The following ZNF804A variants were observed in gnomAD, a reference collection of about 807,000 sequenced individuals.
ZNF804A encodes zinc finger protein 804A.
Under a neutral mutation model 16.5 loss-of-function variants are expected in ZNF804A, and 2 were observed. The ratio of observed to expected loss-of-function variants is 0.12; its 90% CI spans 0.05 to 0.38. The LOEUF is 0.38. ZNF804A is among the 10% of genes least tolerant of loss of function. The pLI, the probability that ZNF804A is intolerant of heterozygous loss-of-function variation, is 0.99. For missense variants in ZNF804A, 1,473 were observed against 1,390.7 expected, an observed-to-expected ratio of 1.06 and a Z score of -0.94; for synonymous variants, 534 against 489.6, an observed-to-expected ratio of 1.09 and a Z score of -1.20.
intron 1 of ZNF804A, among the ~76,000 whole-genome samples, chr2:184,794,577 A>C (rs1694602279): frequency 6.6e-6 from 1 of 152,026 alleles, no homozygotes; most frequent in Non-Finnish European, 1.5e-5. Flanking sequence ...TAGAACAAAA[A>C]TACTTTTTTA....
intron 1 of ZNF804A, among the ~76,000 whole-genome samples, chr2:184,668,174 T>C (rs888361153): frequency 6.6e-5 from 10 of 151,846 alleles, no homozygotes; most frequent in Admixed American, 5.9e-4. Flanking sequence ...TAATAAATTA[T>C]AATTGTATAT....
Position 184,938,192 on chromosome 2 carries a change from C to G in ZNF804A, c.2796C>G (p.Thr932=), listed in dbSNP as rs1685826535. 6.2e-7 allele frequency: 1 copy of G among 1,613,928 alleles called. No individual in the cohort carries two copies. The highest frequency in any genetic ancestry group is 1.3e-5 in the African/African-American group (1 of 74,898). The change falls in exon 4 of 4, where the codon ACC becomes ACG. Residue 932 remains threonine, a synonymous_variant. Transcript: ENST00000302277. Reference sequence around the variant, plus strand: ...CAACAAAAGAAGCAATTGACAATACCCTGCTTGAACACAAAGAAAGAAGTG... The same window carrying G: ...CAACAAAAGAAGCAATTGACAATACGCTGCTTGAACACAAAGAAAGAAGTG... The part of the protein sequence containing the change: ...SAPTKEAIDN[T]LLEHKERSEN...
At chr2:184,853,195 A>G (rs796657372) in intron 1 of ZNF804A, among the ~76,000 whole-genome samples, 1 of 151,854 alleles carries the variant, frequency 6.6e-6, no homozygotes, top group African/African-American at 2.4e-5. Context: ...CTTATTTTAA[A>G]TGAAATTGTT....
At chr2:184,844,209 AT>A (rs1695479718) in intron 1 of ZNF804A, among the ~76,000 whole-genome samples, 1 of 150,680 alleles carries the variant, frequency 6.6e-6, no homozygotes, top group Non-Finnish European at 1.5e-5. Context: ...GCTGTGATTC[AT>A]TTCATTTATA....
chr2:184,933,621 C>A lies in ZNF804A; in HGVS notation c.274C>A (p.Gln92Lys). The change falls in exon 3 of 4, where the codon CAA (glutamine) becomes AAA (lysine). Residue 92 changes from glutamine (Q) to lysine (K), a missense_variant. Physicochemically the swap from Gln to Lys is moderately conservative, Grantham distance 53 (BLOSUM62 1). Coordinates refer to ENST00000302277, the MANE Select transcript of ZNF804A (RefSeq NM_194250.2). The part of the protein sequence containing the change: ...AHKQRLKELK[Q>K]REFARNVASK... Reference sequence around the variant, plus strand: ...TTAACAGAGGCTCAAGGAACTGAAACAAAGGGAATTTGCTCGAAATGTAGC... The same window carrying A: ...TTAACAGAGGCTCAAGGAACTGAAAAAAAGGGAATTTGCTCGAAATGTAGC... 6.2e-7 allele frequency: 1 copy of A among 1,600,620 alleles called. No homozygotes were observed. The highest frequency in any genetic ancestry group is 1.4e-5 in the African/African-American group (1 of 73,660).
At position 184,823,382 on chromosome 2, in the gene ZNF804A, A is replaced by G. The variant is rs1695112366; in HGVS notation, c.112-42987A>G. 2.0e-5 allele frequency among the ~76,000 whole-genome samples: 3 copies of G among 152,166 alleles called. 1 individual carries two copies. Among genetic ancestry groups the G allele is most frequent in the African/African-American group, 7.2e-5 (3 of 41,448 alleles). ...TTAACATAAATTTTGAAGGGGACACATTCAAACCATAGCGATCATAGAAGT... is the reference window on the plus strand; with the variant it reads ...TTAACATAAATTTTGAAGGGGACACGTTCAAACCATAGCGATCATAGAAGT... On this transcript the variant is annotated intron_variant, in intron 1 of 3. Coordinates refer to ENST00000302277, the MANE Select transcript of ZNF804A (RefSeq NM_194250.2).
At chr2:184,792,441 T>C (rs1694562985) in intron 1 of ZNF804A, among the ~76,000 whole-genome samples, 1 of 152,190 alleles carries the variant, frequency 6.6e-6, no homozygotes, top group South Asian at 2.1e-4. Flanking sequence ...CAGATCCTTT[T>C]TTGCCATCTG....
intron 2 of ZNF804A, among the ~76,000 whole-genome samples, chr2:184,879,981 CCTT>C (rs1684783927): frequency 1.3e-5 from 2 of 151,848 alleles, no homozygotes; most frequent in Admixed American, 1.3e-4. Context: ...TCTAAGCATA[CCTT>C]CTTATCAAAA....
chr2:184,655,707 A>G (rs908896855), intron 1 of ZNF804A, among the ~76,000 whole-genome samples: 4 of 152,024 alleles, frequency 2.6e-5, no homozygotes, highest in Admixed American at 2.6e-4. Context: ...AGTTCAAGTG[A>G]TAGATGGCAT....
intron 1 of ZNF804A, among the ~76,000 whole-genome samples, chr2:184,659,544 A>G (rs1692133938): frequency 1.3e-5 from 2 of 152,222 alleles, no homozygotes; most frequent in South Asian, 4.1e-4. Flanking sequence ...TTATAAAAAC[A>G]CATTATGATA....
At position 184,876,269 on chromosome 2, in the gene ZNF804A, A is replaced by G. The variant is rs146340638; in HGVS notation, c.255+9757A>G. Reference sequence around the variant, plus strand: ...TGACACTTAAAGGAATTACTTCTTGATATTTGGTAATAGAAATATTCATTT... The same window carrying G: ...TGACACTTAAAGGAATTACTTCTTGGTATTTGGTAATAGAAATATTCATTT... On this transcript the variant is annotated intron_variant, in intron 2 of 3. Transcript: ENST00000302277. Among the ~76,000 whole-genome samples the G allele has an allele frequency of 2.2e-3, 328 of 152,302 alleles. 1 individual carries two copies. Among genetic ancestry groups the G allele is most frequent in the Middle Eastern group, 6.8e-3 (2 of 294 alleles).
At position 184,866,598 on chromosome 2, in the gene ZNF804A, A is replaced by C. The variant is rs1397558374; in HGVS notation, c.255+86A>C. The C allele has an allele frequency of 2.7e-6, 3 of 1,126,574 alleles. No individual in the cohort carries two copies. The Admixed American group carries it at 8.6e-5, about 32-fold the overall frequency. The allele number at this position is 1,126,574 out of a possible 1,614,324, so 69.8% of individuals were successfully genotyped here. On this transcript the variant is annotated intron_variant, in intron 2 of 3. Coordinates refer to ENST00000302277, the MANE Select transcript of ZNF804A (RefSeq NM_194250.2). ...GTAGACTCTATGAATATGATATGATATTCTTATTTAATTTAATTTGCTGTA... is the reference window on the plus strand; with the variant it reads ...GTAGACTCTATGAATATGATATGATCTTCTTATTTAATTTAATTTGCTGTA...
At chr2:184,689,861 T>C (rs952698977) in intron 1 of ZNF804A, among the ~76,000 whole-genome samples, 1 of 151,976 alleles carries the variant, frequency 6.6e-6, no homozygotes, top group Admixed American at 6.6e-5. Context: ...GCAAACTCCA[T>C]AGCTGAAAGT....
chr2:184,659,206 T>C (rs1198875030), intron 1 of ZNF804A, among the ~76,000 whole-genome samples: 16 of 152,190 alleles, frequency 1.1e-4, no homozygotes, highest in Non-Finnish European at 4.4e-5. Flanking sequence ...GACCAAGTCC[T>C]GACCACTCTG....
intron 2 of ZNF804A, among the ~76,000 whole-genome samples, chr2:184,905,044 C>T (rs1028729391): frequency 6.6e-6 from 1 of 151,896 alleles, no homozygotes; most frequent in Non-Finnish European, 1.5e-5. Context: ...ATTATCAAGG[C>T]ACTATTTCTA....
chr2:184,679,605 C>G (rs951297579), intron 1 of ZNF804A, among the ~76,000 whole-genome samples: 1 of 152,190 alleles, frequency 6.6e-6, no homozygotes, highest in South Asian at 2.1e-4. Flanking sequence ...ACTCCTTAGG[C>G]CTGCTCTGAT....
chr2:184,830,930 C>G (rs1240170944), intron 1 of ZNF804A, among the ~76,000 whole-genome samples: 2 of 152,026 alleles, frequency 1.3e-5, no homozygotes, highest in Non-Finnish European at 2.9e-5. Context: ...TTTTCTTTAA[C>G]TGTAATCTCA....
chr2:184,880,250 A>T (rs76078567), intron 2 of ZNF804A, among the ~76,000 whole-genome samples: 2,658 of 152,246 alleles, frequency 0.017, 86 homozygotes, highest in African/African-American at 0.061. Context: ...AAAATTAAGA[A>T]TGGAAGAGTA....
intron 1 of ZNF804A, among the ~76,000 whole-genome samples, chr2:184,797,440 A>G (rs1694650840): frequency 6.6e-6 from 1 of 152,096 alleles, no homozygotes; most frequent in Non-Finnish European, 1.5e-5. Flanking sequence ...GATATAAAGA[A>G]TAGCTACCCC....
Sources: gnomAD v4.1 joint callset for allele counts (sites outside exome capture counted in the v4.1 genomes callset) on GRCh38, gnomAD v4.1.1 for gene constraint, MANE v1.5 for transcripts, NCBI Gene and HGNC (gene_info 2026-07-23, HGNC 2026-07-21) for gene names.